Variants in CAPZB observed in about 807,000 individuals in gnomAD.
CAPZB encodes the protein F-actin-capping protein subunit beta.
In CAPZB, 2 loss-of-function variants were observed where a neutral mutation model predicts 38.1. That is an observed-to-expected ratio of 0.05 (90% confidence interval 0.02 to 0.17). The LOEUF is 0.17. CAPZB is among the 10% of genes least tolerant of loss of function. The probability of loss-of-function intolerance (pLI) is 1.00; values close to 1 mark genes in which losing one functional copy is unlikely to be tolerated. For synonymous variants in CAPZB, 107 were observed against 127.4 expected (o/e 0.84, Z 1.08); for missense variants, 161 against 334.2 (o/e 0.48, Z 4.04).
intron 2 of CAPZB, among the ~76,000 whole-genome samples, chr1:19,397,195 G>C (rs187631085): frequency 1.1e-4 from 16 of 152,268 alleles, no homozygotes; most frequent in African/African-American, 3.4e-4. Flanking sequence ...GCCTGCTGTA[G>C]GTCATAATTC....
At chr1:19,463,305 C>T (rs1243926553) in intron 1 of CAPZB, among the ~76,000 whole-genome samples, 1 of 152,164 alleles carries the variant, frequency 6.6e-6, no homozygotes, top group Admixed American at 6.5e-5. Flanking sequence ...CGCTCTTCTC[C>T]ACACCAGCAA....
chr1:19,450,103 C>T (rs1391982518), intron 1 of CAPZB, among the ~76,000 whole-genome samples: 7 of 127,106 alleles, frequency 5.5e-5, no homozygotes, highest in African/African-American at 1.8e-4. Context: ...GGAATTGTAC[C>T]ATTGCACTCC....
At chr1:19,463,049 T>C (rs1159974357) in intron 1 of CAPZB, among the ~76,000 whole-genome samples, 1 of 152,218 alleles carries the variant, frequency 6.6e-6, no homozygotes, top group Non-Finnish European at 1.5e-5. Context: ...GTAATTTCTG[T>C]TCTCATCCAG....
At chr1:19,412,453 T>C (rs996544340) in intron 2 of CAPZB, among the ~76,000 whole-genome samples, 1 of 152,224 alleles carries the variant, frequency 6.6e-6, no homozygotes, top group Non-Finnish European at 1.5e-5. Context: ...ATTTATTTTT[T>C]AATTTTTTTC....
intron 6 of CAPZB, among the ~76,000 whole-genome samples, chr1:19,351,283 T>C (rs1329232869): frequency 6.6e-6 from 1 of 151,098 alleles, no homozygotes; most frequent in Non-Finnish European, 1.5e-5. Context: ...ACCCGATCTT[T>C]CCATTTTTTT....
At chr1:19,385,690 A>T (rs1382069315) in intron 2 of CAPZB, 64 bp from the exon 3 acceptor site, 3 of 1,602,154 alleles carry the variant, frequency 1.9e-6, no homozygotes, top group Non-Finnish European at 2.6e-6. Flanking sequence ...TCAGGTGGCT[A>T]ACAATACTGC....
chr1:19,355,674 C>T (rs575585127), intron 6 of CAPZB, among the ~76,000 whole-genome samples: 2 of 152,314 alleles, frequency 1.3e-5, no homozygotes, highest in African/African-American at 2.4e-5. Context: ...CAGAAAGTGG[C>T]GCCCCGCTGA....
intron 1 of CAPZB, among the ~76,000 whole-genome samples, chr1:19,442,740 A>AG (rs1178845372): frequency 6.6e-6 from 1 of 151,734 alleles, no homozygotes; most frequent in African/African-American, 2.4e-5. Context: ...TCACCAAAAA[A>AG]CCCTTTGGCT....
chr1:19,443,727 C>G (rs1260861504), intron 1 of CAPZB, among the ~76,000 whole-genome samples: 1 of 152,222 alleles, frequency 6.6e-6, no homozygotes, highest in African/African-American at 2.4e-5. Context: ...AAGCAAGGCA[C>G]AGAGAGGCCA....
At chr1:19,341,437 C>T (rs2093927869) in intron 8 of CAPZB, among the ~76,000 whole-genome samples, 2 of 152,018 alleles carry the variant, frequency 1.3e-5, no homozygotes, top group Admixed American at 1.3e-4. Context: ...CTGGATCACA[C>T]GAAGGAGAAA....
At chr1:19,434,566 G>C (rs1176845157) in intron 1 of CAPZB, among the ~76,000 whole-genome samples, 9 of 145,500 alleles carry the variant, frequency 6.2e-5, no homozygotes, top group Non-Finnish European at 1.4e-4. Context: ...TTTTTTTAAG[G>C]GTTAAAAAAA....
chr1:19,485,372 G>A (rs1034257200), intron 1 of CAPZB, 64 bp downstream of exon 1: 129 of 1,115,900 alleles, frequency 1.2e-4, no homozygotes, highest in Non-Finnish European at 1.4e-4. Flanking sequence ...GGGATGGGCA[G>A]GGGGAGGGGG....
intron 4 of CAPZB, among the ~76,000 whole-genome samples, chr1:19,369,694 G>C (rs2094109748): frequency 6.6e-6 from 1 of 152,204 alleles, no homozygotes; most frequent in African/African-American, 2.4e-5. Flanking sequence ...TTTACATCTG[G>C]GGAAAGGTCC....
At chr1:19,370,085 G>A (rs1208236831) in intron 4 of CAPZB, among the ~76,000 whole-genome samples, 10 of 152,144 alleles carry the variant, frequency 6.6e-5, no homozygotes, top group African/African-American at 2.4e-4. Flanking sequence ...CTTTCCCAAG[G>A]CTCCCAGAAT....
In CAPZB at chr1:19,405,541, C is replaced by CAAAAAAAAAAAAAAAAAAAAAA. The variant is rs10577923; in HGVS notation, c.93+14098_93+14119dup. Reference sequence around the variant, plus strand: ...TGTTCAACACATAGCTAGAAAGAGGCAAAAAAAAAAAAAAAAAAAAAAAAT... The same window carrying CAAAAAAAAAAAAAAAAAAAAAA: ...TGTTCAACACATAGCTAGAAAGAGGCAAAAAAAAAAAAAAAAAAAAAAAAAAAAAAAAAAAAAAAAAAAAAAT... On this transcript the variant is annotated intron_variant, in intron 2 of 8. Transcript: ENST00000264202. Among the ~76,000 whole-genome samples the CAAAAAAAAAAAAAAAAAAAAAA allele has an allele frequency of 3.1e-5, 3 of 96,516 alleles. 1 individual carries two copies. Among genetic ancestry groups the CAAAAAAAAAAAAAAAAAAAAAA allele is most frequent in the Non-Finnish European group, 5.9e-5 (3 of 51,088 alleles). The allele number at this position is 96,516 out of a possible 152,430, so 63.3% of individuals were successfully genotyped here. A position where few individuals can be genotyped will look rare whatever the true frequency, so the allele number is the denominator to read the frequency against.
intron 2 of CAPZB, among the ~76,000 whole-genome samples, chr1:19,404,919 T>G (rs1254283005): frequency 3.3e-5 from 5 of 152,146 alleles, no homozygotes; most frequent in Admixed American, 6.5e-5. Flanking sequence ...ATTACACAGA[T>G]GAGGAAACTG....
intron 1 of CAPZB, among the ~76,000 whole-genome samples, chr1:19,456,492 T>C (rs182182454): frequency 1.3e-5 from 2 of 152,312 alleles, no homozygotes; most frequent in African/African-American, 4.8e-5. Context: ...TTAGCCTCAA[T>C]ATCCCAGTCT....
chr1:19,459,021 C>T (rs997080156), intron 1 of CAPZB, among the ~76,000 whole-genome samples: 9 of 152,202 alleles, frequency 5.9e-5, no homozygotes, highest in African/African-American at 1.9e-4. Context: ...GGCAGGAGAC[C>T]GTTGGCAGGA....
chr1:19,440,339 T>C (rs1013485754), intron 1 of CAPZB, among the ~76,000 whole-genome samples: 2 of 152,086 alleles, frequency 1.3e-5, no homozygotes, highest in African/African-American at 4.8e-5. Flanking sequence ...ACCCGGCCCA[T>C]AAAATACACC....
Sources: gnomAD v4.1 joint callset for allele counts (sites outside exome capture counted in the v4.1 genomes callset) on GRCh38, gnomAD v4.1.1 for gene constraint, MANE v1.5 for transcripts, NCBI Gene and HGNC (gene_info 2026-07-23, HGNC 2026-07-21) for gene names.